Variants in RBBP6 observed in about 807,000 individuals in gnomAD.
RBBP6 encodes E3 ubiquitin-protein ligase RBBP6.
RBBP6 carries 25 observed loss-of-function variants against 167.7 expected under a neutral mutation model. That is an observed-to-expected ratio of 0.15 (90% CI 0.11 to 0.21). The LOEUF is 0.21. Ranked by LOEUF, RBBP6 falls within the 10% of genes least tolerant of loss-of-function variation. The probability of loss-of-function intolerance (pLI) is 1.00; values close to 1 mark genes in which losing one functional copy is unlikely to be tolerated. For synonymous variants in RBBP6, 789 were observed against 735.8 expected (o/e 1.07, Z -1.17); for missense variants, 1,868 against 2,134.2 (o/e 0.88, Z 2.46).
chr16:24,546,054 T>A (rs1898643389), intron 1 of RBBP6, 109 bp from the exon 2 acceptor site: 1 of 1,418,816 alleles, frequency 7.0e-7, no homozygotes, highest in South Asian at 1.4e-5. Flanking sequence ...AACTTGTAGT[T>A]ATTATATTTA....
At chr16:24,566,208 A>G (rs1056343202) in intron 14 of RBBP6, among the ~76,000 whole-genome samples, 2 of 152,162 alleles carry the variant, frequency 1.3e-5, no homozygotes, top group Non-Finnish European at 2.9e-5. Context: ...CTAAACCCCT[A>G]CTGTTGCTGT....
chr16:24,545,140 C>T (rs570329001), intron 1 of RBBP6, among the ~76,000 whole-genome samples: 2 of 152,192 alleles, frequency 1.3e-5, no homozygotes, highest in South Asian at 4.1e-4. Flanking sequence ...TGCAGTGGCG[C>T]GATCTCGGCT....
intron 8 of RBBP6, 195 bp downstream of exon 8, chr16:24,559,872 T>TA (rs898146915): frequency 5.1e-6 from 2 of 389,994 alleles, no homozygotes; most frequent in African/African-American, 4.2e-5. Context: ...TTTGTCCTTT[T>TA]AAATTCTAGA....
At chr16:24,553,605 CAT>C in intron 4 of RBBP6, 48 bp downstream of exon 4, 1 of 1,430,504 alleles carries the variant, frequency 7.0e-7, no homozygotes, top group Non-Finnish European at 9.5e-7. Flanking sequence ...TTTCTAACAT[CAT>C]ATTTTTTTAT....
intron 13 of RBBP6, among the ~76,000 whole-genome samples, chr16:24,564,263 A>G (rs1002498088): frequency 2.0e-5 from 3 of 152,232 alleles, no homozygotes; most frequent in African/African-American, 7.2e-5. Context: ...GAAAATTGAT[A>G]TATTCTTAAA....
In RBBP6 at chr16:24,570,046, A is replaced by G. The variant is rs764128496; in HGVS notation, c.3356A>G (p.Lys1119Arg). ...AAGAAGGACTATTCCAAAGATGTCA[A>G]ATCAGAAAAGCTAACAACTAAGGAA... is the stretch of plus-strand genomic sequence containing the variant. ...KVKKDYSKDV[K>R]SEKLTTKEEK... Residue 1119 changes from lysine to arginine, a missense_variant, in exon 17 of 18, where the codon AAA becomes AGA. Transcript: ENST00000319715. 7 of 1,608,952 alleles carry G rather than the reference A, an allele frequency of 4.4e-6. No individual in the cohort carries two copies. Among genetic ancestry groups the G allele is most frequent in the South Asian group, 1.1e-5 (1 of 89,598 alleles).
In RBBP6 at chr16:24,571,105, A is replaced by G; in HGVS notation, c.4039A>G (p.Ser1347Gly). Residue 1347 changes from serine to glycine, a missense_variant, in exon 18 of 18, where the codon AGT (serine) becomes GGT (glycine). This residue lies in a region of RBBP6 where 591 missense variants were observed against 540.5 expected (regional missense o/e 1.09). Transcript: ENST00000319715. Reference protein sequence around the residue: ...QPISSVGKPASVIKNVSTKPS... With the variant: ...QPISSVGKPAGVIKNVSTKPS... ...TATATCAAGTGTAGGAAAACCTGCTAGTGTTATAAAAAATGTTAGTACAAA... is the reference window on the plus strand; with the variant it reads ...TATATCAAGTGTAGGAAAACCTGCTGGTGTTATAAAAAATGTTAGTACAAA... 1.2e-6 allele frequency: 2 copies of G among 1,612,600 alleles called. No individual in the cohort carries two copies. The highest frequency in any genetic ancestry group is 1.7e-6 in the Non-Finnish European group (2 of 1,178,974).
Position 24,569,309 on chromosome 16 carries a change from T to C in RBBP6, c.2619T>C (p.Ser873=), listed in dbSNP as rs775985390. The C allele has an allele frequency of 5.6e-6, 9 of 1,611,814 alleles. No individual in the cohort carries two copies. The highest frequency in any genetic ancestry group is 7.6e-6 in the Non-Finnish European group (9 of 1,179,520). ...TTTTGCCACTTAACATCAGGAATTC[T>C]CCCTTCACAAGAGGCCGCAGAGAAG... ...ERFLPLNIRN[S]PFTRGRREDY... is the part of the protein sequence containing the mutation. Residue 873 remains serine (S), a synonymous_variant, in exon 17 of 18, where the codon TCT becomes TCC. Transcript: ENST00000319715.
intron 7 of RBBP6, among the ~76,000 whole-genome samples, chr16:24,557,245 G>A (rs1042855194): frequency 7.9e-5 from 12 of 152,024 alleles, no homozygotes; most frequent in African/African-American, 2.9e-4. Context: ...GCCTCTCAAA[G>A]TGCTGGGATT....
rs919422040 is a variant in RBBP6 at position 24,551,270 on chromosome 16, A to C, written c.304-2243A>C. On this transcript the variant is annotated intron_variant, in intron 3 of 17. Transcript: ENST00000319715. ...AATTTTAATGTCTACGGTCTGCATC[A>C]GTCCGTTTTGTGAGGACTTTAAGTG... Among the ~76,000 whole-genome samples the C allele has an allele frequency of 5.3e-5, 8 of 152,026 alleles. No homozygotes were observed. The South Asian group carries it at 1.4e-3, about 28-fold the overall frequency.
rs752556977 is a variant in RBBP6 at position 24,567,508 on chromosome 16, A to G, written c.1952+3A>G. On this transcript the variant is annotated splice_donor_region_variant and intron_variant, in intron 15 of 17. Coordinates refer to ENST00000319715, the MANE Select transcript of RBBP6 (RefSeq NM_006910.5). ...GAGCAGCGACGACTAAAAGAAGAGT[A>G]TGTATTCTAATTTGAAATTATTATA... 9 of 1,593,286 alleles carry G rather than the reference A, an allele frequency of 5.6e-6. No individual in the cohort carries two copies. Among genetic ancestry groups the G allele is most frequent in the Non-Finnish European group, 7.7e-6 (9 of 1,169,396 alleles).
chr16:24,556,474 G>A, intron 7 of RBBP6, 27 bp downstream of exon 7: 6 of 1,599,570 alleles, frequency 3.8e-6, no homozygotes, highest in Non-Finnish European at 5.1e-6. Context: ...GGTATGACCT[G>A]TGGAGACTCC....
chr16:24,563,127 C>G (rs1246113241), intron 10 of RBBP6, 72 bp from the exon 11 acceptor site: 1 of 1,230,930 alleles, frequency 8.1e-7, no homozygotes, highest in Non-Finnish European at 1.2e-6. Context: ...GGGTAAACAG[C>G]AGCAAACTTT....
intron 1 of RBBP6, among the ~76,000 whole-genome samples, chr16:24,543,357 C>T (rs1006385297): frequency 2.0e-4 from 30 of 147,408 alleles, no homozygotes; most frequent in African/African-American, 7.3e-4. Context: ...AATTTTGGCT[C>T]ATTGCAGCTT....
At chr16:24,562,208 A>G in intron 10 of RBBP6, 47 bp downstream of exon 10, 1 of 1,497,156 alleles carries the variant, frequency 6.7e-7, no homozygotes. Context: ...GAGGTCAATG[A>G]TGTAGTGTTT....
rs543237294 is a variant in RBBP6 at position 24,561,829 on chromosome 16, A to T, written c.957A>T (p.Val319=). Residue 319 remains valine, a synonymous_variant, in exon 10 of 18, where the codon GTA becomes GTT. Transcript: ENST00000319715. The part of the protein sequence containing the change: ...LIANKFLRQA[V]NNFKNETGYT... Reference sequence around the variant, plus strand: ...ATTATGCTTGGTATCTGTAGGCTGTAAATAACTTCAAAAATGAAACTGGCT... The same window carrying T: ...ATTATGCTTGGTATCTGTAGGCTGTTAATAACTTCAAAAATGAAACTGGCT... The T allele has an allele frequency of 2.5e-6, 4 of 1,610,240 alleles. No homozygotes were observed. The African/African-American group carries it at 4.0e-5, about 16-fold the overall frequency.
At chr16:24,546,046 C>A in intron 1 of RBBP6, 117 bp from the exon 2 acceptor site, 1 of 1,401,154 alleles carries the variant, frequency 7.1e-7, no homozygotes, top group Non-Finnish European at 9.3e-7. Context: ...TTGCAAGGAA[C>A]TTGTAGTTAT....
intron 13 of RBBP6, among the ~76,000 whole-genome samples, chr16:24,564,302 T>C (rs963337448): frequency 9.2e-5 from 14 of 152,244 alleles, no homozygotes; most frequent in Non-Finnish European, 1.6e-4. Flanking sequence ...GATGTATCAG[T>C]AGAAGGAACA....
chr16:24,544,138 G>A (rs1342092345), intron 1 of RBBP6, among the ~76,000 whole-genome samples: 1 of 152,164 alleles, frequency 6.6e-6, no homozygotes, highest in African/African-American at 2.4e-5. Flanking sequence ...AAATTAATAA[G>A]CTGTCTTGGA....
Sources: allele counts gnomAD v4.1 joint callset (sites outside exome capture counted in the v4.1 genomes callset), GRCh38; gene constraint gnomAD v4.1.1; regional missense constraint gnomAD v4.1.1; transcripts MANE v1.5; gene names NCBI Gene and HGNC (gene_info 2026-07-23, HGNC 2026-07-21).